Variants in DOCK3 observed in about 807,000 individuals in gnomAD.
DOCK3 encodes the protein dedicator of cytokinesis 3, also known as dedicator of cytokinesis protein 3.
A neutral mutation model predicts 265.6 loss-of-function variants in DOCK3; 60 were observed. The observed-to-expected ratio is 0.23, with a 90% CI of 0.18 to 0.28. The LOEUF is 0.28. Ranked by LOEUF, DOCK3 falls within the 10% of genes least tolerant of loss-of-function variation. DOCK3 has a pLI of 1.00. For missense variants in DOCK3, 1,981 were observed against 2,594.3 expected, an observed-to-expected ratio of 0.76 and a Z score of 5.14; for synonymous variants, 881 against 938.0, an observed-to-expected ratio of 0.94 and a Z score of 1.11.
chr3:51,104,743 T>C (rs1219350050), intron 9 of DOCK3, among the ~76,000 whole-genome samples: 1 of 152,186 alleles, frequency 6.6e-6, no homozygotes, highest in Non-Finnish European at 1.5e-5. Flanking sequence ...CTCAGGGTAT[T>C]GTCAGAACGT....
At position 50,902,071 on chromosome 3, in the gene DOCK3, T is replaced by G. The variant is rs999256038; in HGVS notation, c.218+11990T>G. Among the ~76,000 whole-genome samples the G allele has an allele frequency of 5.9e-5, 9 of 152,282 alleles. No individual in the cohort carries two copies. The South Asian group carries it at 1.0e-3, about 18-fold the overall frequency. On this transcript the variant is annotated intron_variant, in intron 4 of 52. Transcript: ENST00000266037. ...TCATTTGCCCGCTTTTTAGTGTGGTTGTTTGTTTTTTTCTTGTAAATTTGT... is the reference window on the plus strand; with the variant it reads ...TCATTTGCCCGCTTTTTAGTGTGGTGGTTTGTTTTTTTCTTGTAAATTTGT...
chr3:50,821,140 C>CTTTTTTTTTTTTTTTTTT (rs771111717), intron 2 of DOCK3, among the ~76,000 whole-genome samples: 3 of 119,476 alleles, frequency 2.5e-5, no homozygotes, highest in Admixed American at 8.3e-5. Flanking sequence ...TTTCTTTTTT[C>CTTTTTTTTTTTTTTTTTT]TTTTTTTTTT....
chr3:50,725,009 A>G (rs1274075551), intron 1 of DOCK3, among the ~76,000 whole-genome samples: 1 of 151,452 alleles, frequency 6.6e-6, no homozygotes, highest in Non-Finnish European at 1.5e-5. Context: ...AAAAAAAATA[A>G]TAATGACTAA....
chr3:51,045,804 T>TA (rs1180833920), intron 5 of DOCK3, among the ~76,000 whole-genome samples: 1 of 152,206 alleles, frequency 6.6e-6, no homozygotes, highest in Admixed American at 6.5e-5. Flanking sequence ...AATTTTGAGA[T>TA]ATTTCATTTA....
chr3:51,233,764 C>T (rs1015073124), intron 19 of DOCK3, among the ~76,000 whole-genome samples: 6 of 152,144 alleles, frequency 3.9e-5, no homozygotes, highest in African/African-American at 4.8e-5. Flanking sequence ...CTACTGTAAA[C>T]GCAATTGCAT....
rs199685911 is a variant in DOCK3, at chr3:51,096,950, G to A, written c.746+6566G>A. 3.9e-5 allele frequency among the ~76,000 whole-genome samples: 6 copies of A among 152,102 alleles called. No individual in the cohort carries two copies. The East Asian group carries it at 9.6e-4, about 24-fold the overall frequency. On this transcript the variant is annotated intron_variant, in intron 9 of 52. Coordinates refer to ENST00000266037, the MANE Select transcript of DOCK3 (RefSeq NM_004947.5). ...TGCCTGGGTATCACCAGCGGAAGCT[G>A]CAGAACAGCAATGTTCCTTCCTCTG... is the stretch of plus-strand genomic sequence containing the variant.
intron 12 of DOCK3, among the ~76,000 whole-genome samples, chr3:51,195,557 GAT>G (rs2088233531): frequency 1.3e-5 from 2 of 152,016 alleles, no homozygotes; most frequent in African/African-American, 4.8e-5. Context: ...TGAGATTACA[GAT>G]GCGTGCCATC....
Position 51,330,144 on chromosome 3 carries a change from G to A in DOCK3, c.3409G>A (p.Ala1137Thr), listed in dbSNP as rs779249715. 2 of 1,602,140 alleles carry A rather than the reference G, an allele frequency of 1.2e-6. No individual in the cohort carries two copies. Among genetic ancestry groups the A allele is most frequent in the African/African-American group, 2.7e-5 (2 of 74,738 alleles). Residue 1137 changes from alanine to threonine, a missense_variant, in exon 33 of 53, where the codon GCC becomes ACC. By Grantham distance (58) the Ala-to-Thr change is moderately conservative. Coordinates refer to ENST00000266037, the MANE Select transcript of DOCK3 (RefSeq NM_004947.5). ...AGTCTCTGCTTCCTTCTAGGTGGAG[G>A]CCGAGTTGATTGACAAGCTGGACAG... ...RKNGNFKQVE[A>T]ELIDKLDSMV...
At chr3:51,200,482 A>G (rs1463958123) in intron 12 of DOCK3, among the ~76,000 whole-genome samples, 1 of 127,984 alleles carries the variant, frequency 7.8e-6, no homozygotes, top group African/African-American at 3.1e-5. Flanking sequence ...AAAAAGAATA[A>G]AAAGAAACAA....
intron 9 of DOCK3, among the ~76,000 whole-genome samples, chr3:51,123,410 C>T (rs1019039267): frequency 2.6e-5 from 4 of 152,158 alleles, no homozygotes; most frequent in Non-Finnish European, 5.9e-5. Flanking sequence ...ACTTAAAAGA[C>T]ATGTTGGGGT....
intron 5 of DOCK3, among the ~76,000 whole-genome samples, chr3:51,058,811 T>TG (rs1359993309): frequency 2.1e-5 from 3 of 142,856 alleles, no homozygotes; most frequent in African/African-American, 8.6e-5. Flanking sequence ...CCTTTGGGCC[T>TG]ATTTTTTTTA....
intron 22 of DOCK3, among the ~76,000 whole-genome samples, chr3:51,250,271 A>T (rs1263942170): frequency 4.3e-3 from 6 of 1,410 alleles, no homozygotes; most frequent in African/African-American, 0.04. Context: ...ATGATCAATA[A>T]AAAAAAAAAA....
intron 9 of DOCK3, among the ~76,000 whole-genome samples, chr3:51,135,566 A>C (rs1387508254): frequency 6.6e-6 from 1 of 152,150 alleles, no homozygotes; most frequent in Non-Finnish European, 1.5e-5. Context: ...GATCCAGATG[A>C]TCTTGGGTTT....
chr3:51,272,281 T>TC (rs1433461527), intron 24 of DOCK3, among the ~76,000 whole-genome samples: 2 of 1,818 alleles, frequency 1.1e-3, no homozygotes, highest in African/African-American at 4.3e-3. Flanking sequence ...TAGGTTTGAC[T>TC]TTTTTTTTTT....
chr3:51,007,367 A>G (rs1438357666), intron 5 of DOCK3, among the ~76,000 whole-genome samples: 1 of 152,186 alleles, frequency 6.6e-6, no homozygotes, highest in Non-Finnish European at 1.5e-5. Context: ...CATTTCTCTG[A>G]TGGCCAGTGA....
intron 37 of DOCK3, among the ~76,000 whole-genome samples, chr3:51,339,601 A>G (rs575893498): frequency 6.6e-6 from 1 of 152,334 alleles, no homozygotes; most frequent in South Asian, 2.1e-4. Context: ...TGTATCTACA[A>G]TTTAATCCAA....
chr3:50,679,680 A>C (rs1345430651), intron 1 of DOCK3, among the ~76,000 whole-genome samples: 1 of 152,230 alleles, frequency 6.6e-6, no homozygotes, highest in African/African-American at 2.4e-5. Flanking sequence ...GAACTCACCA[A>C]AATAGTCTGA....
intron 6 of DOCK3, among the ~76,000 whole-genome samples, chr3:51,067,434 T>TGTGTGTGTGC (rs1221248551): frequency 6.7e-6 from 1 of 149,720 alleles, no homozygotes; most frequent in Non-Finnish European, 1.5e-5. Flanking sequence ...TGTTTGTGTG[T>TGTGTGTGTGC]GTGTGTGTGT....
At chr3:51,029,380 GCT>G (rs1219037641) in intron 5 of DOCK3, among the ~76,000 whole-genome samples, 1 of 152,202 alleles carries the variant, frequency 6.6e-6, no homozygotes, top group African/African-American at 2.4e-5. Context: ...AGCATGAAAA[GCT>G]CTCTCTCAGC....
Sources: gnomAD v4.1 joint callset for allele counts (sites outside exome capture counted in the v4.1 genomes callset) on GRCh38, gnomAD v4.1.1 for gene constraint, MANE v1.5 for transcripts, NCBI Gene and HGNC (gene_info 2026-07-23, HGNC 2026-07-21) for gene names.